VPS16: variants seen among roughly 807,000 people sequenced by gnomAD.
VPS16 encodes vacuolar protein sorting-associated protein 16 homolog.
In VPS16, 82 loss-of-function variants were observed where a neutral mutation model predicts 116.0. That is an observed-to-expected ratio of 0.71 (90% confidence interval 0.59 to 0.85). The LOEUF (loss-of-function observed/expected upper bound fraction) is 0.85. Among genes scored for constraint, VPS16 ranks in the 40% least tolerant of loss-of-function variants. The pLI is 0.00. For synonymous variants in VPS16, 406 were observed against 420.7 expected (o/e 0.96, Z 0.43); for missense variants, 928 against 1,090.6 (o/e 0.85, Z 2.10).
In VPS16 at chr20:2,860,176, G is replaced by C; in HGVS notation, c.240+25G>C. On this transcript the variant is annotated intron_variant, in intron 3 of 23. Transcript: ENST00000380445. This position sits in a 1 kb window ranked among gnomAD's most constrained non-coding sequence, Gnocchi z 6.1. ...GGTGAGCACTTCTGATGGTCCCTGG[G>C]GCTCAGGGCTGGACAGGGTTTCCTC... The C allele has an allele frequency of 6.2e-7, 1 of 1,613,976 alleles. No individual in the cohort carries two copies.
rs2089273302 is a variant in VPS16 at position 2,863,731 on chromosome 20, C to T, written c.1477-218C>T. 6.6e-6 allele frequency among the ~76,000 whole-genome samples: 1 copy of T among 151,858 alleles called. No individual in the cohort carries two copies. The highest frequency in any genetic ancestry group is 2.4e-5 in the African/African-American group (1 of 41,314). ...GAGCTGAGATTGCACTGCTGCACTC[C>T]AGCCTGGGCGACAGAGCAAGACTCT... On this transcript the variant is annotated intron_variant, in intron 15 of 23. Coordinates refer to ENST00000380445, the MANE Select transcript of VPS16 (RefSeq NM_022575.4). The surrounding 1 kb of genome is among the most constrained non-coding windows in gnomAD (Gnocchi z 4.4).
chr20:2,859,830 C>CCTG (rs2089208162), intron 2 of VPS16, 23 bp downstream of exon 2: 1 of 1,601,550 alleles, frequency 6.2e-7, no homozygotes, highest in Non-Finnish European at 8.5e-7. Flanking sequence ...TCCACCACCA[C>CCTG]CTGCTCTGGG....
intron 1 of VPS16, among the ~76,000 whole-genome samples, chr20:2,847,756 C>T (rs1221336433): frequency 1.3e-5 from 2 of 152,078 alleles, no homozygotes; most frequent in Admixed American, 1.3e-4. Flanking sequence ...GGATTACAGG[C>T]GTGAGCCACC....
intron 1 of VPS16, among the ~76,000 whole-genome samples, chr20:2,845,651 A>T (rs774908629): frequency 6.6e-6 from 1 of 151,788 alleles, no homozygotes; most frequent in Non-Finnish European, 1.5e-5. Context: ...TTACTCTCTT[A>T]ACCATTTTTG....
At position 2,842,711 on chromosome 20, in the gene VPS16, GATAGACATATGGATGTATCTATCT is replaced by G. The variant is rs1568620660; in HGVS notation, c.53+1890_53+1913del. The stretch of plus-strand genomic sequence containing the variant: ...ATACATCTAGATGTATCTATATATA[GATAGACATATGGATGTATCTATCT>G]ATAGATACATATAGATGTATCTATC... On this transcript the variant is annotated intron_variant, in intron 1 of 23. Transcript: ENST00000380445. Among the ~76,000 whole-genome samples, 73 of 75,876 alleles carry G rather than the reference GATAGACATATGGATGTATCTATCT, an allele frequency of 9.6e-4. 2 individuals carry two copies. The highest frequency in any genetic ancestry group is 1.9e-3 in the African/African-American group (32 of 16,626). The allele number at this position is 75,876 out of a possible 152,430, so 49.8% of individuals were successfully genotyped here. A position where few individuals can be genotyped will look rare whatever the true frequency, so the allele number is the denominator to read the frequency against.
Position 2,865,209 on chromosome 20 carries a change from G to A in VPS16, c.2066G>A (p.Gly689Asp), listed in dbSNP as rs578001732. 9.3e-6 allele frequency: 15 copies of A among 1,614,168 alleles called. No homozygotes were observed. Among genetic ancestry groups the A allele is most frequent in the Middle Eastern group, 3.3e-4 (2 of 6,062 alleles). Residue 689 changes from glycine (G) to aspartate (D), a missense_variant, in exon 21 of 24, where the codon GGC (glycine) becomes GAC (aspartate). By Grantham distance (94) the Gly-to-Asp change is moderately conservative. Transcript: ENST00000380445. The surrounding 1 kb of genome is among the most constrained non-coding windows in gnomAD (Gnocchi z 5.2). ...CGGCGCCTAGAAGACGAGCTGGGGGGCCAGTTCCTAGACCTGTCTCTACAT... is the reference window on the plus strand; with the variant it reads ...CGGCGCCTAGAAGACGAGCTGGGGGACCAGTTCCTAGACCTGTCTCTACAT... ...LQRRLEDELG[G>D]QFLDLSLHDT...
intron 1 of VPS16, among the ~76,000 whole-genome samples, chr20:2,857,368 T>C (rs2089182029): frequency 6.6e-6 from 1 of 152,250 alleles, no homozygotes; most frequent in South Asian, 2.1e-4. Context: ...TGTACATTTA[T>C]AGATCATTTT....
rs751122258 is a variant in VPS16, at chr20:2,866,488, C to T, written c.2434C>T (p.Leu812Phe). 4 of 1,614,196 alleles carry T rather than the reference C, an allele frequency of 2.5e-6. No individual in the cohort carries two copies. Among genetic ancestry groups the T allele is most frequent in the Non-Finnish European group, 3.4e-6 (4 of 1,180,042 alleles). ...ACACCGGAATGAGGCTGAGCTGAGCCTCGTATTGTCCCACTGCACGGGAGC... is the reference window on the plus strand; with the variant it reads ...ACACCGGAATGAGGCTGAGCTGAGCTTCGTATTGTCCCACTGCACGGGAGC... ...IEHRNEAELSLVLSHCTGATD... is the reference protein window; with the variant it reads ...IEHRNEAELSFVLSHCTGATD... Residue 812 changes from leucine (L) to phenylalanine (F), a missense_variant, in exon 24 of 24, where the codon CTC becomes TTC. Transcript: ENST00000380445.
In VPS16 at chr20:2,866,564, A is replaced by G; in HGVS notation, c.2510A>G (p.Gln837Arg). 5.6e-6 allele frequency: 9 copies of G among 1,614,140 alleles called. No homozygotes were observed. Among genetic ancestry groups the G allele is most frequent in the Non-Finnish European group, 7.6e-6 (9 of 1,180,002 alleles). ...DKIQRARAQAQKK is the reference protein window; with the variant it reads ...DKIQRARAQARKK ...ATTCAACGGGCCAGGGCACAAGCCC[A>G]GAAGAAGTGAGGAGTCCATCCTGTA... Residue 837 changes from glutamine to arginine, a missense_variant, in exon 24 of 24, where the codon CAG (glutamine) becomes CGG (arginine). Gln to Arg is a conservative substitution (Grantham distance 43, BLOSUM62 1). Transcript: ENST00000380445.
Position 2,840,834 on chromosome 20 carries a change from T to TGGGG in VPS16, c.53+8_53+9insGGGG. Reference sequence around the variant, plus strand: ...GGGACTCTGCCTTTTACCGGTGAGCTGCCCCGCCCTCCCGCCCACGGCCTG... The same window carrying TGGGG: ...GGGACTCTGCCTTTTACCGGTGAGCTGGGGGCCCCGCCCTCCCGCCCACGGCCTG... On this transcript the variant is annotated splice_region_variant and intron_variant, in intron 1 of 23. Coordinates refer to ENST00000380445, the MANE Select transcript of VPS16 (RefSeq NM_022575.4). 1 of 1,538,670 alleles carries TGGGG rather than the reference T, an allele frequency of 6.5e-7. No individual in the cohort carries two copies. The highest frequency in any genetic ancestry group is 8.8e-7 in the Non-Finnish European group (1 of 1,138,784).
chr20:2,866,262 G>A lies in VPS16; in HGVS notation c.2322G>A (p.Lys774=). The A allele has an allele frequency of 6.2e-7, 1 of 1,614,154 alleles. No individual in the cohort carries two copies. Among genetic ancestry groups the A allele is most frequent in the Non-Finnish European group, 8.5e-7 (1 of 1,180,028 alleles). ...AACATAACAAATACGAAGCCAAGAAGTATGCTTCCCGCGTGGGTCCCGAGC... is the reference window on the plus strand; with the variant it reads ...AACATAACAAATACGAAGCCAAGAAATATGCTTCCCGCGTGGGTCCCGAGC... The part of the protein sequence containing the change: ...MKQHNKYEAK[K]YASRVGPEQK... The change falls in exon 23 of 24, where the codon AAG becomes AAA. Residue 774 remains lysine (K), a synonymous_variant. Coordinates refer to ENST00000380445, the MANE Select transcript of VPS16 (RefSeq NM_022575.4).
rs577062922 is a variant in VPS16, at chr20:2,852,929, C to G, written c.54-6790C>G. On this transcript the variant is annotated intron_variant, in intron 1 of 23. Transcript: ENST00000380445. ...GGGCTCTTCCTTTCATGAAAGATTT[C>G]TCAGTAGCATGCAATGCTGTCTGAT... Among the ~76,000 whole-genome samples, 474 of 152,298 alleles carry G rather than the reference C, an allele frequency of 3.1e-3. 2 individuals carry two copies. Among genetic ancestry groups the G allele is most frequent in the African/African-American group, 0.011 (448 of 41,554 alleles).
At position 2,847,126 on chromosome 20, in the gene VPS16, C is replaced by T. The variant is rs1197378215; in HGVS notation, c.53+6299C>T. 3.9e-5 allele frequency among the ~76,000 whole-genome samples: 6 copies of T among 152,328 alleles called. No homozygotes were observed. In the East Asian group the frequency reaches 1.2e-3, roughly 29 times the overall value. On this transcript the variant is annotated intron_variant, in intron 1 of 23. Coordinates refer to ENST00000380445, the MANE Select transcript of VPS16 (RefSeq NM_022575.4). ...CACTGTCCTCTAGAAGCCCACTTTA[C>T]CTCTAAGGCTTCAGGAGGTGGTCCA...
intron 1 of VPS16, among the ~76,000 whole-genome samples, chr20:2,855,598 T>C (rs2089165153): frequency 6.6e-6 from 1 of 152,246 alleles, no homozygotes; most frequent in South Asian, 2.1e-4. Flanking sequence ...AATATAAGAC[T>C]GTTTTGTCTA....
chr20:2,866,059 T>C (rs947395960), intron 22 of VPS16, 153 bp from the exon 23 acceptor site: 13 of 682,212 alleles, frequency 1.9e-5, no homozygotes, highest in Non-Finnish European at 3.3e-5. Flanking sequence ...ATCACAACTG[T>C]CTGTGCATGG....
chr20:2,861,456 T>C lies in VPS16; in HGVS notation c.810-159T>C, dbSNP rs6138920. On this transcript the variant is annotated intron_variant, in intron 8 of 23. Coordinates refer to ENST00000380445, the MANE Select transcript of VPS16 (RefSeq NM_022575.4). ...TGTCCTCTGTGGGCCACAGCTGCCT[T>C]GAGCTGAGAGCTCAGGGATAAGAGG... Among the ~76,000 whole-genome samples, 68,984 of 152,062 alleles carry C rather than the reference T, an allele frequency of 0.45. 16,082 individuals carry two copies. The highest frequency in any genetic ancestry group is 0.73 in the East Asian group (3,752 of 5,140).
rs974606363 is a variant in VPS16 at position 2,862,595 on chromosome 20, C to T, written c.1088C>T (p.Ala363Val). ...CCCCACCAGAAAGAGAGCCAGAAGG[C>T]GGACGAGTACCTGCGGGAGATCCAG... ...QKEYEKESQK[A>V]DEYLREIQEL... The change falls in exon 12 of 24, where the codon GCG becomes GTG. Residue 363 changes from alanine (A) to valine (V), a missense_variant. Coordinates refer to ENST00000380445, the MANE Select transcript of VPS16 (RefSeq NM_022575.4). The T allele has an allele frequency of 2.0e-5, 32 of 1,612,988 alleles. No individual in the cohort carries two copies. The highest frequency in any genetic ancestry group is 1.7e-4 in the Middle Eastern group (1 of 5,942).
intron 1 of VPS16, among the ~76,000 whole-genome samples, chr20:2,843,111 G>A (rs1348987175): frequency 6.6e-6 from 1 of 152,140 alleles, no homozygotes; most frequent in Non-Finnish European, 1.5e-5. Context: ...TGCATTTGTT[G>A]TTTATTTATA....
Position 2,840,791 on chromosome 20 carries a change from C to A in VPS16, c.17C>A (p.Ala6Glu). Residue 6 changes from alanine to glutamate, a missense_variant, in exon 1 of 24, where the codon GCG becomes GAG. Ala to Glu is a moderately radical substitution (Grantham distance 107, BLOSUM62 -1). Coordinates refer to ENST00000380445, the MANE Select transcript of VPS16 (RefSeq NM_022575.4). ...GCACCAGCCATGGACTGCTACACGG[C>A]GAACTGGAACCCACTCGGGGACTCT... MDCYT[A>E]NWNPLGDSAF... 1 of 1,548,388 alleles carries A rather than the reference C, an allele frequency of 6.5e-7. No homozygotes were observed. Among genetic ancestry groups the A allele is most frequent in the Non-Finnish European group, 8.7e-7 (1 of 1,146,602 alleles).
Sources: allele counts gnomAD v4.1 joint callset (sites outside exome capture counted in the v4.1 genomes callset), GRCh38; gene constraint gnomAD v4.1.1; non-coding constraint Gnocchi (gnomAD v3.1); transcripts MANE v1.5; gene names NCBI Gene and HGNC (gene_info 2026-07-23, HGNC 2026-07-21).